DLGAP2: variants seen among roughly 807,000 people sequenced by gnomAD.
The protein encoded by DLGAP2 is disks large-associated protein 2.
DLGAP2 carries 26 observed loss-of-function variants against 100.3 expected under a neutral mutation model. The ratio of observed to expected loss-of-function variants is 0.26; its 90% CI spans 0.19 to 0.36. The LOEUF is 0.36. Ranked by LOEUF, DLGAP2 falls within the 10% of genes least tolerant of loss-of-function variation. DLGAP2 has a pLI of 1.00. For synonymous variants in DLGAP2, 886 were observed against 630.1 expected (o/e 1.41, Z -6.08); for missense variants, 1,858 against 1,453.2 (o/e 1.28, Z -4.53).
At chr8:1,101,202 A>T (rs1804567380) in intron 2 of DLGAP2, among the ~76,000 whole-genome samples, 1 of 152,152 alleles carries the variant, frequency 6.6e-6, no homozygotes, top group Non-Finnish European at 1.5e-5. Context: ...AGCCTGGGGG[A>T]TCTGGAAGAA....
chr8:779,990 T>TA (rs1821643532), intron 1 of DLGAP2, among the ~76,000 whole-genome samples: 1 of 152,162 alleles, frequency 6.6e-6, no homozygotes, highest in Non-Finnish European at 1.5e-5. Flanking sequence ...CTCACCAACT[T>TA]ACCATTTTTT....
chr8:1,576,561 G>A (rs539539949), intron 6 of DLGAP2, among the ~76,000 whole-genome samples: 213 of 152,324 alleles, frequency 1.4e-3, no homozygotes, highest in Non-Finnish European at 2.4e-3. Context: ...TGTCCTGAAT[G>A]ATAATGCCTA....
chr8:1,350,587 A>G, intron 3 of DLGAP2, among the ~76,000 whole-genome samples: 1 of 50,324 alleles, frequency 2.0e-5, no homozygotes, highest in Non-Finnish European at 4.0e-5. Context: ...GCGGGTCCTG[A>G]CTGTGCGTGG....
rs375444170 is a variant in DLGAP2 at position 811,447 on chromosome 8, A to G, written c.18+73622A>G. On this transcript the variant is annotated intron_variant, in intron 1 of 14. Transcript: ENST00000637795. ...CCACCAGCTTTCGGATGAAGCTCCC[A>G]TCAACCTTGGAATGAGCAGGAACTA... is the stretch of plus-strand genomic sequence containing the variant. Among the ~76,000 whole-genome samples the G allele has an allele frequency of 5.6e-5, 8 of 144,012 alleles. No individual in the cohort carries two copies. In the East Asian group the frequency reaches 1.1e-3, roughly 19 times the overall value. 94.5% of individuals were successfully genotyped at this position (144,012 alleles called of 152,430 possible). A position where few individuals can be genotyped will look rare whatever the true frequency, so the allele number is the denominator to read the frequency against.
chr8:1,489,897 A>C (rs1395858703), intron 3 of DLGAP2, among the ~76,000 whole-genome samples: 1 of 151,600 alleles, frequency 6.6e-6, no homozygotes, highest in Non-Finnish European at 1.5e-5. Context: ...AAGGCATATC[A>C]ATTTTTTTTT....
At chr8:907,852 G>T in intron 1 of DLGAP2, 60 bp from the exon 2 acceptor site, 2 of 398,414 alleles carry the variant, frequency 5.0e-6, no homozygotes, top group South Asian at 2.6e-4. Context: ...AACAGTTAAT[G>T]AGATGCCTTC....
intron 3 of DLGAP2, among the ~76,000 whole-genome samples, chr8:1,412,045 T>A (rs1364251659): frequency 6.6e-6 from 1 of 152,250 alleles, no homozygotes; most frequent in Non-Finnish European, 1.5e-5. Flanking sequence ...TGTCCTGCCA[T>A]GGACCCTCAC....
At chr8:1,084,550 C>T (rs761270701) in intron 2 of DLGAP2, among the ~76,000 whole-genome samples, 3 of 152,200 alleles carry the variant, frequency 2.0e-5, no homozygotes, top group Non-Finnish European at 2.9e-5. Flanking sequence ...CCCCCAGCCT[C>T]GGGTGACCAC....
Position 1,691,561 on chromosome 8 carries a change from G to T in DLGAP2, c.2731G>T (p.Gly911Trp). ...TCTCGGTAAAATCAGGAGTGCTGTT[G>T]GGAGTGCCCAGCTTCTCATGTCCCA... ...EILGKIRSAV[G>W]SAQLLMSQKF... The change falls in exon 13 of 15, where the codon GGG becomes TGG. Residue 911 changes from glycine (G) to tryptophan (W), a missense_variant. Transcript: ENST00000637795. 1 of 1,614,064 alleles carries T rather than the reference G, an allele frequency of 6.2e-7. No homozygotes were observed. The highest frequency in any genetic ancestry group is 8.5e-7 in the Non-Finnish European group (1 of 1,179,972).
chr8:853,708 A>G (rs1460162970), intron 1 of DLGAP2, among the ~76,000 whole-genome samples: 1 of 152,206 alleles, frequency 6.6e-6, no homozygotes, highest in Admixed American at 6.5e-5. Context: ...ACTACTTTAA[A>G]TCACTGGAGG....
chr8:1,252,915 AGAG>A (rs1473465483), intron 2 of DLGAP2, among the ~76,000 whole-genome samples: 1 of 152,206 alleles, frequency 6.6e-6, no homozygotes, highest in Non-Finnish European at 1.5e-5. Flanking sequence ...GGAGGGAGGC[AGAG>A]GAGGACAGAG....
At chr8:1,660,337 C>G (rs1191665745) in intron 8 of DLGAP2, among the ~76,000 whole-genome samples, 2 of 152,140 alleles carry the variant, frequency 1.3e-5, no homozygotes, top group Non-Finnish European at 2.9e-5. Flanking sequence ...AAAATAATTT[C>G]TTAATAACTG....
intron 3 of DLGAP2, among the ~76,000 whole-genome samples, chr8:1,461,233 G>T (rs532297729): frequency 8.9e-6 from 1 of 112,362 alleles, no homozygotes; most frequent in African/African-American, 3.3e-5. Flanking sequence ...AGGGAGAAGG[G>T]TGGCATTTGG....
chr8:923,861 C>T lies in DLGAP2; in HGVS notation c.73+15895C>T, dbSNP rs1013718673. Among the ~76,000 whole-genome samples, 8 of 152,224 alleles carry T rather than the reference C, an allele frequency of 5.3e-5. No homozygotes were observed. In the East Asian group the frequency reaches 1.5e-3, roughly 29 times the overall value. On this transcript the variant is annotated intron_variant, in intron 2 of 14. Transcript: ENST00000637795. ...CCAAAGGTCTAAAGTTTATGAGATG[C>T]ACACTCAAGTAATTTAGCTGCTGTG... is the stretch of plus-strand genomic sequence containing the variant.
intron 2 of DLGAP2, among the ~76,000 whole-genome samples, chr8:1,011,805 A>C (rs1440447325): frequency 1.0e-5 from 1 of 97,192 alleles, no homozygotes; most frequent in South Asian, 3.1e-4. Flanking sequence ...CTGGAATGAG[A>C]GTCCTCAGTC....
At chr8:1,352,458 G>A (rs1340944021) in intron 3 of DLGAP2, among the ~76,000 whole-genome samples, 1 of 152,116 alleles carries the variant, frequency 6.6e-6, no homozygotes, top group Non-Finnish European at 1.5e-5. Flanking sequence ...TCACCGCTGG[G>A]TCTCAGCTCT....
At chr8:1,278,136 C>A (rs1799742705) in intron 3 of DLGAP2, among the ~76,000 whole-genome samples, 1 of 152,212 alleles carries the variant, frequency 6.6e-6, no homozygotes, top group South Asian at 2.1e-4. Flanking sequence ...GGAGTGGCAT[C>A]CGTGCTCACG....
At chr8:1,344,173 G>GGCCCTGTCGTAAGTCCGTGTACTGGGT (rs1801499101) in intron 3 of DLGAP2, among the ~76,000 whole-genome samples, 1 of 62,168 alleles carries the variant, frequency 1.6e-5, no homozygotes, top group Admixed American at 1.8e-4. Context: ...TTGTACTCGG[G>GGCCCTGTCGTAAGTCCGTGTACTGGGT]GCGCTGTCGT....
intron 2 of DLGAP2, among the ~76,000 whole-genome samples, chr8:1,023,629 G>A (rs970858329): frequency 6.6e-6 from 1 of 151,000 alleles, no homozygotes; most frequent in African/African-American, 2.4e-5. Context: ...TCAGGACCTG[G>A]TGATCATTGT....
Sources: allele counts gnomAD v4.1 joint callset (sites outside exome capture counted in the v4.1 genomes callset), GRCh38; gene constraint gnomAD v4.1.1; transcripts MANE v1.5; gene names NCBI Gene and HGNC (gene_info 2026-07-23, HGNC 2026-07-21).